Variants in RAPGEF4 observed in about 807,000 individuals in gnomAD.
RAPGEF4 encodes Rap guanine nucleotide exchange factor 4.
RAPGEF4 carries 66 observed loss-of-function variants against 147.9 expected under a neutral mutation model. That is an observed-to-expected ratio of 0.45 (90% CI 0.37 to 0.55). The LOEUF is 0.55. Ranked by LOEUF, RAPGEF4 falls within the 20% of genes least tolerant of loss-of-function variation. The pLI, the probability that RAPGEF4 is intolerant of heterozygous loss-of-function variation, is 0.00. For missense variants in RAPGEF4, 1,071 were observed against 1,257.3 expected, an observed-to-expected ratio of 0.85 and a Z score of 2.24; for synonymous variants, 419 against 442.7, an observed-to-expected ratio of 0.95 and a Z score of 0.67.
At chr2:173,015,103 G>A (rs1023949426) in intron 18 of RAPGEF4, among the ~76,000 whole-genome samples, 11 of 152,146 alleles carry the variant, frequency 7.2e-5, no homozygotes, top group African/African-American at 2.7e-4. Context: ...ACGGTAAAAA[G>A]TCTTGTGCAA....
intron 4 of RAPGEF4, among the ~76,000 whole-genome samples, chr2:172,838,036 A>G (rs2149692723): frequency 6.6e-6 from 1 of 152,314 alleles, no homozygotes; most frequent in South Asian, 2.1e-4. Flanking sequence ...GTGAACAATC[A>G]AGAGATACTT....
intron 4 of RAPGEF4, among the ~76,000 whole-genome samples, chr2:172,816,332 T>G (rs1460537625): frequency 6.6e-6 from 1 of 151,892 alleles, no homozygotes; most frequent in African/African-American, 2.4e-5. Context: ...GGCATTGACT[T>G]GTTAAAAAGG....
intron 4 of RAPGEF4, among the ~76,000 whole-genome samples, chr2:172,905,182 C>T (rs578155253): frequency 1.8e-4 from 28 of 152,242 alleles, no homozygotes; most frequent in African/African-American, 6.7e-4. Flanking sequence ...CCCTCTCCTC[C>T]CCACCCGAAC....
chr2:173,029,328 T>C (rs550812987), intron 25 of RAPGEF4, among the ~76,000 whole-genome samples: 10 of 152,382 alleles, frequency 6.6e-5, no homozygotes, highest in South Asian at 2.1e-4. Context: ...ACCATATTGA[T>C]TCAGGATGAA....
At chr2:173,004,578 TTTAA>T (rs1344879011) in intron 17 of RAPGEF4, among the ~76,000 whole-genome samples, 1 of 152,064 alleles carries the variant, frequency 6.6e-6, no homozygotes, top group Non-Finnish European at 1.5e-5. Context: ...TTGTATACCT[TTTAA>T]TTAAGCAATA....
intron 6 of RAPGEF4, among the ~76,000 whole-genome samples, chr2:172,947,556 A>G (rs1218018935): frequency 6.6e-6 from 1 of 152,154 alleles, no homozygotes; most frequent in East Asian, 1.9e-4. Flanking sequence ...GGTGTCTTTC[A>G]TGCATACAAG....
chr2:172,989,223 GC>G (rs1692579231), intron 14 of RAPGEF4, among the ~76,000 whole-genome samples: 1 of 152,124 alleles, frequency 6.6e-6, no homozygotes, highest in African/African-American at 2.4e-5. Flanking sequence ...AGCCCCCTCT[GC>G]CCCTTGTCTT....
chr2:172,970,310 T>C (rs1690332990), intron 10 of RAPGEF4, among the ~76,000 whole-genome samples: 1 of 152,010 alleles, frequency 6.6e-6, no homozygotes, highest in Admixed American at 6.6e-5. Flanking sequence ...AACCAAGCAC[T>C]TCACTCCTGG....
At chr2:172,838,131 C>T (rs888155191) in intron 4 of RAPGEF4, among the ~76,000 whole-genome samples, 1 of 151,434 alleles carries the variant, frequency 6.6e-6, no homozygotes, top group African/African-American at 2.5e-5. Context: ...CTACTGTTCT[C>T]ACTTTAGTCT....
At chr2:172,948,813 G>A (rs1409197590) in intron 6 of RAPGEF4, among the ~76,000 whole-genome samples, 2 of 152,106 alleles carry the variant, frequency 1.3e-5, no homozygotes, top group African/African-American at 4.8e-5. Flanking sequence ...AGGGTAGAGG[G>A]TAGGAGGAGG....
At chr2:172,870,627 G>C (rs1191356297) in intron 4 of RAPGEF4, among the ~76,000 whole-genome samples, 1 of 152,072 alleles carries the variant, frequency 6.6e-6, no homozygotes, top group Non-Finnish European at 1.5e-5. Context: ...ATTAATTATA[G>C]GTGGTAATGG....
chr2:172,988,573 C>G, intron 13 of RAPGEF4, 120 bp from the exon 14 acceptor site: 1 of 1,214,102 alleles, frequency 8.2e-7, no homozygotes, highest in Non-Finnish European at 1.2e-6. Context: ...CCTTTGGCAT[C>G]GCTAGGTACA....
At chr2:173,005,552 C>T (rs1173418373) in intron 17 of RAPGEF4, among the ~76,000 whole-genome samples, 2 of 104,314 alleles carry the variant, frequency 1.9e-5, no homozygotes, top group African/African-American at 7.3e-5. Context: ...GAGACAGAGT[C>T]TTGCTCTGTC....
At position 172,988,838 on chromosome 2, in the gene RAPGEF4, G is replaced by A. The variant is rs937833381; in HGVS notation, c.1373G>A (p.Arg458Lys). ...VDKEDFNRILRDVEANTVRLK... is the reference protein window; with the variant it reads ...VDKEDFNRILKDVEANTVRLK... ...AAGGAGGATTTCAACCGGATCCTAA[G>A]GGTGAGTCCAAAGCAAAGTGTGGCT... Residue 458 changes from arginine to lysine, a missense_variant and splice_region_variant, in exon 14 of 31, where the codon AGG (arginine) becomes AAG (lysine). By Grantham distance (26) the Arg-to-Lys change is conservative. Coordinates refer to ENST00000397081, the MANE Select transcript of RAPGEF4 (RefSeq NM_007023.4). The A allele has an allele frequency of 6.2e-7, 1 of 1,613,416 alleles. No homozygotes were observed. Among genetic ancestry groups the A allele is most frequent in the Non-Finnish European group, 8.5e-7 (1 of 1,179,874 alleles).
intron 4 of RAPGEF4, among the ~76,000 whole-genome samples, chr2:172,910,234 A>G (rs1197966085): frequency 6.6e-6 from 1 of 152,214 alleles, no homozygotes; most frequent in Non-Finnish European, 1.5e-5. Context: ...TTGAAAACCT[A>G]GAATCCTTAT....
chr2:172,939,850 C>T (rs1686975170), intron 6 of RAPGEF4, among the ~76,000 whole-genome samples: 1 of 150,574 alleles, frequency 6.6e-6, no homozygotes, highest in South Asian at 2.1e-4. Context: ...TATGGGCCAT[C>T]CAGTTTTTCC....
rs556736465 is a variant in RAPGEF4, at chr2:172,823,619, G to A, written c.444+9194G>A. Among the ~76,000 whole-genome samples the A allele has an allele frequency of 1.4e-4, 21 of 152,152 alleles. 1 individual carries two copies. The highest frequency in any genetic ancestry group is 1.2e-3 in the South Asian group (6 of 4,824). ...TGGGGCCAAATTCCACTCCTGAGTCGTCTCTGGGCTGCTGTGAGAGGTTAG... is the reference window on the plus strand; with the variant it reads ...TGGGGCCAAATTCCACTCCTGAGTCATCTCTGGGCTGCTGTGAGAGGTTAG... On this transcript the variant is annotated intron_variant, in intron 4 of 30. Transcript: ENST00000397081.
chr2:173,050,200 A>G (rs1255298019), intron 30 of RAPGEF4, among the ~76,000 whole-genome samples: 2 of 152,248 alleles, frequency 1.3e-5, no homozygotes, highest in Admixed American at 6.5e-5. Context: ...TCTGAAGTCA[A>G]CAATCTATAG....
chr2:172,883,921 A>G (rs543774930), intron 4 of RAPGEF4, among the ~76,000 whole-genome samples: 2 of 152,304 alleles, frequency 1.3e-5, no homozygotes, highest in Non-Finnish European at 2.9e-5. Context: ...ACCATATATA[A>G]AAGTTATTTT....
Sources: allele counts gnomAD v4.1 joint callset (sites outside exome capture counted in the v4.1 genomes callset), GRCh38; gene constraint gnomAD v4.1.1; transcripts MANE v1.5; gene names NCBI Gene and HGNC (gene_info 2026-07-23, HGNC 2026-07-21).